Variants in RARB observed in about 807,000 individuals in gnomAD.
The protein encoded by RARB is retinoic acid receptor beta.
A neutral mutation model predicts 51.9 loss-of-function variants in RARB; 17 were observed. That is an observed-to-expected ratio of 0.33 (90% CI 0.22 to 0.49). The LOEUF is 0.49. RARB is among the 20% of genes least tolerant of loss of function. The pLI, the probability that RARB is intolerant of heterozygous loss-of-function variation, is 0.99. For synonymous variants in RARB, 215 were observed against 195.4 expected (o/e 1.10, Z -0.84); for missense variants, 369 against 550.8 (o/e 0.67, Z 3.30).
intron 5 of RARB, among the ~76,000 whole-genome samples, chr3:25,325,201 G>A (rs753102842): frequency 1.3e-5 from 2 of 152,162 alleles, no homozygotes; most frequent in Non-Finnish European, 2.9e-5. Context: ...GCTTCCTGAT[G>A]TTGCCATGGC....
chr3:25,534,619 T>C (rs1378712682), intron 3 of RARB, among the ~76,000 whole-genome samples: 1 of 152,246 alleles, frequency 6.6e-6, no homozygotes, highest in African/African-American at 2.4e-5. Flanking sequence ...CATACCTGTT[T>C]GGATACACTT....
intron 2 of RARB, among the ~76,000 whole-genome samples, chr3:25,032,761 T>C (rs535706451): frequency 6.6e-6 from 1 of 152,348 alleles, no homozygotes; most frequent in Admixed American, 6.5e-5. Context: ...GAATTGCAAC[T>C]GAACCCACCC....
intron 5 of RARB, among the ~76,000 whole-genome samples, chr3:25,300,082 G>T (rs1704005065): frequency 6.6e-6 from 1 of 152,216 alleles, no homozygotes; most frequent in African/African-American, 2.4e-5. Context: ...GTAAGATATG[G>T]TTGAGGAGTA....
At chr3:25,184,179 G>A (rs1575203146) in intron 5 of RARB, among the ~76,000 whole-genome samples, 1 of 151,430 alleles carries the variant, frequency 6.6e-6, no homozygotes, top group East Asian at 1.9e-4. Context: ...AAAAGCCATT[G>A]TACATTTGGT....
intron 5 of RARB, among the ~76,000 whole-genome samples, chr3:25,349,128 T>G (rs540625682): frequency 4.7e-4 from 71 of 152,294 alleles, no homozygotes; most frequent in Non-Finnish European, 8.2e-4. Context: ...CTTCCCCCAA[T>G]GAAGGCGGAA....
rs191651553 is a variant in RARB, at chr3:25,286,310, G to A, written c.178+111735G>A. ...TCACCGTGTTAGCCAGGATGGTCTC[G>A]ATCTCCTGACCTCGTGATCCACCCG... On this transcript the variant is annotated intron_variant, in intron 5 of 11. Coordinates refer to the RARB transcript ENST00000383772. Among the ~76,000 whole-genome samples, 925 of 152,030 alleles carry A rather than the reference G, an allele frequency of 6.1e-3. 3 individuals carry two copies. The highest frequency in any genetic ancestry group is 6.8e-3 in the Middle Eastern group (2 of 294).
intron 2 of RARB, among the ~76,000 whole-genome samples, chr3:24,932,719 A>G (rs1695466861): frequency 6.6e-6 from 1 of 152,140 alleles, no homozygotes. Flanking sequence ...GACTGTTAAT[A>G]GAGGTTTTGA....
At chr3:25,420,113 T>C (rs1707818146) in intron 5 of RARB, among the ~76,000 whole-genome samples, 1 of 152,180 alleles carries the variant, frequency 6.6e-6, no homozygotes, top group Admixed American at 6.5e-5. Context: ...CGCGTGTGTG[T>C]GTATAATGTG....
At chr3:25,036,094 T>A (rs571804735) in intron 2 of RARB, among the ~76,000 whole-genome samples, 2 of 152,344 alleles carry the variant, frequency 1.3e-5, no homozygotes, top group East Asian at 3.9e-4. Flanking sequence ...TTATTTTTTT[T>A]ATTTCTGCCT....
At chr3:25,098,080 A>G (rs1309187621) in intron 3 of RARB, among the ~76,000 whole-genome samples, 1 of 152,208 alleles carries the variant, frequency 6.6e-6, no homozygotes, top group Non-Finnish European at 1.5e-5. Context: ...AAAAATATAC[A>G]CACACAGCTA....
intron 1 of RARB, among the ~76,000 whole-genome samples, chr3:24,845,344 T>C (rs1169475454): frequency 6.6e-6 from 1 of 152,118 alleles, no homozygotes; most frequent in African/African-American, 2.4e-5. Flanking sequence ...ATACCTCGAC[T>C]AGGAAGGAGC....
At chr3:25,132,417 G>A (rs923969654) in intron 4 of RARB, among the ~76,000 whole-genome samples, 2 of 151,640 alleles carry the variant, frequency 1.3e-5, no homozygotes, top group African/African-American at 2.4e-5. Context: ...CAATTAACTC[G>A]GCATCCAAGA....
At chr3:24,924,820 C>T (rs1416195077) in intron 2 of RARB, among the ~76,000 whole-genome samples, 2 of 152,096 alleles carry the variant, frequency 1.3e-5, no homozygotes, top group African/African-American at 4.8e-5. Context: ...AGTATCTTAA[C>T]CTCTTGTGAG....
intron 2 of RARB, among the ~76,000 whole-genome samples, chr3:25,005,179 G>A (rs1697244916): frequency 6.6e-6 from 1 of 152,154 alleles, no homozygotes; most frequent in African/African-American, 2.4e-5. Flanking sequence ...CACTTCTCTT[G>A]AATGAAATAG....
chr3:25,082,397 A>G (rs1168476965), intron 3 of RARB, among the ~76,000 whole-genome samples: 3 of 151,272 alleles, frequency 2.0e-5, no homozygotes, highest in Non-Finnish European at 4.4e-5. Context: ...GTTTTTTAGT[A>G]TTTTGATTTT....
chr3:25,219,510 C>T (rs775431802), intron 5 of RARB, among the ~76,000 whole-genome samples: 12 of 152,136 alleles, frequency 7.9e-5, no homozygotes, highest in Non-Finnish European at 7.3e-5. Context: ...AAACCTAATG[C>T]ATCTCTTGGT....
chr3:25,477,397 C>T (rs1346122185), intron 2 of RARB, among the ~76,000 whole-genome samples: 1 of 152,174 alleles, frequency 6.6e-6, no homozygotes, highest in Non-Finnish European at 1.5e-5. Flanking sequence ...GTTTCCTTTA[C>T]ACAATGGTTG....
chr3:25,317,155 G>A (rs1426771657), intron 5 of RARB, among the ~76,000 whole-genome samples: 3 of 143,910 alleles, frequency 2.1e-5, no homozygotes, highest in Non-Finnish European at 4.6e-5. Flanking sequence ...TATTATAAGT[G>A]TTAGGTGCCT....
chr3:25,264,449 T>A (rs1703079310), intron 5 of RARB, among the ~76,000 whole-genome samples: 2 of 152,164 alleles, frequency 1.3e-5, no homozygotes, highest in South Asian at 4.1e-4. Context: ...AATTTGGTCT[T>A]TCTCTGTTTT....
Sources: allele counts gnomAD v4.1 joint callset (sites outside exome capture counted in the v4.1 genomes callset), GRCh38; gene constraint gnomAD v4.1.1; transcripts MANE v1.5; gene names NCBI Gene and HGNC (gene_info 2026-07-23, HGNC 2026-07-21).